The following AP5B1 variants were observed in gnomAD, a reference collection of about 807,000 sequenced individuals.
AP5B1 encodes adaptor related protein complex 5 subunit beta 1.
In AP5B1, 3 loss-of-function variants were observed where a neutral mutation model predicts 5.7. That is an observed-to-expected ratio of 0.53 (90% CI 0.24 to 1.36). AP5B1 has a LOEUF of 1.36. Ranked by LOEUF, AP5B1 falls within the 40% of genes most tolerant of loss-of-function variation. AP5B1 has a pLI of 0.17. For synonymous variants in AP5B1, 696 were observed against 555.5 expected (o/e 1.25, Z -3.56); for missense variants, 1,310 against 1,143.2 (o/e 1.15, Z -2.10).
At position 65,778,063 on chromosome 11, in the gene AP5B1, C is replaced by A. The variant is rs1440336204; in HGVS notation, c.2430G>T (p.Leu810Phe). The A allele has an allele frequency of 2.5e-6, 4 of 1,612,646 alleles. No individual in the cohort carries two copies. The highest frequency in any genetic ancestry group is 3.3e-5 in the Admixed American group (2 of 60,006). ...CAAAAGGCTCCAGGTGGCGGGACAC[C>A]AAGCCCTCCAGGCCCTGTGGCCCAA... The part of the protein sequence containing the change: ...CPLGPQGLEG[L>F]VSRHLEPFVV... Residue 810 changes from leucine (L) to phenylalanine (F), a missense_variant, in exon 2 of 2, where the codon TTG (leucine) becomes TTT (phenylalanine). By Grantham distance (22) the Leu-to-Phe change is conservative. Coordinates refer to ENST00000532090, the MANE Select transcript of AP5B1 (RefSeq NM_138368.5).
rs533899858 is a variant in AP5B1, at chr11:65,778,285, T to C, written c.2208A>G (p.Ala736=). Reference sequence around the variant, plus strand: ...TGTAAAGGGCATGGACATCCAGCCGTGCGGGGGCCGGGCATCGGGGCTGCA... The same window carrying C: ...TGTAAAGGGCATGGACATCCAGCCGCGCGGGGGCCGGGCATCGGGGCTGCA... The part of the protein sequence containing the change: ...LPLQPRCPAP[A]RLDVHALYTT... Residue 736 remains alanine (A), a synonymous_variant, in exon 2 of 2, where the codon GCA becomes GCG. Transcript: ENST00000532090. 87 of 1,612,988 alleles carry C rather than the reference T, an allele frequency of 5.4e-5. No homozygotes were observed. The highest frequency in any genetic ancestry group is 8.3e-5 in the Admixed American group (5 of 60,020).
At chr11:65,780,420 C>T (rs1180942791) in intron 1 of AP5B1, 22 bp downstream of exon 1, 3 of 1,484,210 alleles carry the variant, frequency 2.0e-6, no homozygotes, top group East Asian at 2.7e-5. Context: ...CGGAACGGCG[C>T]AGGGGACGCG....
chr11:65,779,051 G>T lies in AP5B1; in HGVS notation c.1442C>A (p.Thr481Lys). 6.2e-7 allele frequency: 1 copy of T among 1,606,966 alleles called. No individual in the cohort carries two copies. The highest frequency in any genetic ancestry group is 1.3e-5 in the African/African-American group (1 of 74,992). Residue 481 changes from threonine to lysine, a missense_variant, in exon 2 of 2, where the codon ACG becomes AAG. By Grantham distance (78) the Thr-to-Lys change is moderately conservative. Coordinates refer to ENST00000532090, the MANE Select transcript of AP5B1 (RefSeq NM_138368.5). Reference sequence around the variant, plus strand: ...TCCGTGGATCAAGGGGGTCAGCACCGTAGGTTGCCCAGCCAGGCAGCAGGC... The same window carrying T: ...TCCGTGGATCAAGGGGGTCAGCACCTTAGGTTGCCCAGCCAGGCAGCAGGC... ...LVACCLAGQP[T>K]VLTPLIHGLA...
In AP5B1 at chr11:65,777,927, G is replaced by A. The variant is rs1257961120; in HGVS notation, c.2566C>T (p.Leu856=). The part of the protein sequence containing the change: ...AALADGVPVA[L]RTDDWAVLPL... ...AGCACGGCCCAGTCATCGGTCCGCA[G>A]GGCCACAGGCACTCCATCTGCCAGG... is the stretch of plus-strand genomic sequence containing the variant. Residue 856 remains leucine (L), a synonymous_variant, in exon 2 of 2, where the codon CTG becomes TTG. Transcript: ENST00000532090. The A allele has an allele frequency of 6.4e-7, 1 of 1,565,052 alleles. No individual in the cohort carries two copies. The highest frequency in any genetic ancestry group is 8.7e-7 in the Non-Finnish European group (1 of 1,155,852).
At position 65,778,241 on chromosome 11, in the gene AP5B1, G is replaced by A. The variant is rs1367934299; in HGVS notation, c.2252C>T (p.Thr751Met). 10 of 1,613,312 alleles carry A rather than the reference G, an allele frequency of 6.2e-6. No homozygotes were observed. The highest frequency in any genetic ancestry group is 2.2e-5 in the South Asian group (2 of 91,092). Reference protein sequence around the residue: ...HALYTTSTGLTCHAHLPPLFV... With the variant: ...HALYTTSTGLMCHAHLPPLFV... Reference sequence around the variant, plus strand: ...CAGGGGTGGCAAGTGGGCATGGCACGTGAGACCAGTGGATGTGGTGTAAAG... The same window carrying A: ...CAGGGGTGGCAAGTGGGCATGGCACATGAGACCAGTGGATGTGGTGTAAAG... The change falls in exon 2 of 2, where the codon ACG becomes ATG. Residue 751 changes from threonine to methionine, a missense_variant. Coordinates refer to ENST00000532090, the MANE Select transcript of AP5B1 (RefSeq NM_138368.5).
chr11:65,777,503 G>T lies in AP5B1; in HGVS notation c.*353C>A, dbSNP rs987525050. 8.2e-6 allele frequency: 2 copies of T among 242,764 alleles called. No homozygotes were observed. Among genetic ancestry groups the T allele is most frequent in the Non-Finnish European group, 1.6e-5 (2 of 123,822 alleles). 15.0% of individuals were successfully genotyped at this position (242,764 alleles called of 1,614,324 possible). ...TGCGTGGACTCAGGCCGTTATCTTG[G>T]GAGTGGGTTCGCTCTCTCCCCTCAC... On this transcript the variant is annotated 3_prime_UTR_variant, in exon 2 of 2. Coordinates refer to ENST00000532090, the MANE Select transcript of AP5B1 (RefSeq NM_138368.5).
Position 65,779,458 on chromosome 11 carries a change from C to G in AP5B1, c.1035G>C (p.Ala345=), listed in dbSNP as rs758246233. ...GEALFTAQDE[A]LLLRRLTLAA... is the part of the protein sequence containing the mutation. ...CCAAGGTGAGCCGGCGGAGCAGCAA[C>G]GCTTCATCCTGGGCTGTGAACAAGG... Residue 345 remains alanine, a synonymous_variant, in exon 2 of 2, where the codon GCG becomes GCC. Transcript: ENST00000532090. 9 of 1,605,114 alleles carry G rather than the reference C, an allele frequency of 5.6e-6. No individual in the cohort carries two copies. The highest frequency in any genetic ancestry group is 6.8e-6 in the Non-Finnish European group (8 of 1,176,494).
chr11:65,780,383 A>C (rs1206885391), intron 1 of AP5B1, 41 bp from the exon 2 acceptor site: 7 of 1,463,874 alleles, frequency 4.8e-6, no homozygotes, highest in African/African-American at 1.5e-5. Context: ...GATGAGGTTC[A>C]TGACGCGGCG....
rs759202234 is a variant in AP5B1 at position 65,779,992 on chromosome 11, G to GC, written c.500dup (p.Ser168LeufsTer47). The GC allele has an allele frequency of 1.3e-6, 2 of 1,569,878 alleles. No homozygotes were observed. The highest frequency in any genetic ancestry group is 1.4e-5 in the African/African-American group (1 of 73,606). ...GCAGGCCCCGCAGCAACCCCAGGGA[G>GC]CCCCCCAGCAGCCCGGGCTTGCAGC... On this transcript the variant is annotated frameshift_variant, in exon 2 of 2. Coordinates refer to ENST00000532090, the MANE Select transcript of AP5B1 (RefSeq NM_138368.5). LOFTEE classifies it low-confidence loss of function (END_TRUNC).
rs1857782284 is a variant in AP5B1, at chr11:65,777,746, A to G, written c.*110T>C. 1 of 1,314,176 alleles carries G rather than the reference A, an allele frequency of 7.6e-7. No individual in the cohort carries two copies. Among genetic ancestry groups the G allele is most frequent in the Non-Finnish European group, 1.0e-6 (1 of 991,584 alleles). The allele number at this position is 1,314,176 out of a possible 1,614,324, so 81.4% of individuals were successfully genotyped here. A position where few individuals can be genotyped will look rare whatever the true frequency, so the allele number is the denominator to read the frequency against. On this transcript the variant is annotated 3_prime_UTR_variant, in exon 2 of 2. Coordinates refer to ENST00000532090, the MANE Select transcript of AP5B1 (RefSeq NM_138368.5). The stretch of plus-strand genomic sequence containing the variant: ...GCTCCCAACCGGGGCCCAAAAGAAA[A>G]CAAGCCAGCGAGGGCACTGCGGAAT...
Position 65,780,294 on chromosome 11 carries a change from CG to C in AP5B1, c.198del (p.Asp67ThrfsTer91). The C allele has an allele frequency of 6.7e-7, 1 of 1,496,950 alleles. No homozygotes were observed. The highest frequency in any genetic ancestry group is 8.9e-7 in the Non-Finnish European group (1 of 1,129,156). The allele number at this position is 1,496,950 out of a possible 1,614,324, so 92.7% of individuals were successfully genotyped here. ...LSMEYPAQLW[P>X]DASAAEVAAT... Reference sequence around the variant, plus strand: ...GCGGCCACTTCGGCCGCAGAGGCGTCGGGCCACAGCTGCGCAGGGTACTCCA... The same window carrying C: ...GCGGCCACTTCGGCCGCAGAGGCGTCGGCCACAGCTGCGCAGGGTACTCCA... On this transcript the variant is annotated frameshift_variant, in exon 2 of 2. Coordinates refer to ENST00000532090, the MANE Select transcript of AP5B1 (RefSeq NM_138368.5). LOFTEE classifies it low-confidence loss of function (END_TRUNC).
chr11:65,778,180 CGG>C lies in AP5B1; in HGVS notation c.2311_2312del (p.Pro771AlafsTer12). ...VNFADLFLPF[P>X]QPPEGAGLGF... The stretch of plus-strand genomic sequence containing the variant: ...CCAGCCCGGCCCCCTCTGGAGGCTG[CGG>C]GAAAGGCAGAAAGAGGTCGGCAAAG... On this transcript the variant is annotated frameshift_variant, in exon 2 of 2. Transcript: ENST00000532090. LOFTEE classifies it low-confidence loss of function (END_TRUNC). The C allele has an allele frequency of 6.2e-7, 1 of 1,613,034 alleles. No homozygotes were observed. Among genetic ancestry groups the C allele is most frequent in the Non-Finnish European group, 8.5e-7 (1 of 1,179,864 alleles).
chr11:65,778,972 G>C lies in AP5B1; in HGVS notation c.1521C>G (p.Leu507=). The C allele has an allele frequency of 2.5e-6, 4 of 1,612,754 alleles. No individual in the cohort carries two copies. The highest frequency in any genetic ancestry group is 3.4e-6 in the Non-Finnish European group (4 of 1,179,774). ...RPMLAPHFVD[L]LDQVDSELRE... ...TCAGCTCAGAGTCCACCTGATCCAA[G>C]AGGTCCACAAAGTGGGGAGCCAGCA... The change falls in exon 2 of 2, where the codon CTC becomes CTG. Residue 507 remains leucine (L), a synonymous_variant. Coordinates refer to ENST00000532090, the MANE Select transcript of AP5B1 (RefSeq NM_138368.5).
Position 65,779,604 on chromosome 11 carries a change from G to A in AP5B1, c.889C>T (p.Leu297=), listed in dbSNP as rs367659364. Residue 297 remains leucine (L), a synonymous_variant, in exon 2 of 2, where the codon CTG becomes TTG. Transcript: ENST00000532090. ...AQLLWLLGWA[L]RGLQGQPPAL... ...GGTGGCTGTCCCTGCAGACCCCGCA[G>A]GGCCCAGCCCAGCAGCCACAGGAGC... is the stretch of plus-strand genomic sequence containing the variant. The A allele has an allele frequency of 5.6e-3, 8,984 of 1,607,054 alleles. 31 individuals are homozygous for A. Among genetic ancestry groups the A allele is most frequent in the Non-Finnish European group, 6.7e-3 (7,926 of 1,177,212 alleles).
At position 65,774,985 on chromosome 11, in the gene AP5B1, G is replaced by A. The variant is rs998225056; in HGVS notation, c.*2871C>T. ...GGCTGGGGTCTAGGAGCTATCTCAG[G>A]TGGGCTCAGTCAGTGCCATCCTCCC... On this transcript the variant is annotated 3_prime_UTR_variant, in exon 2 of 2. Transcript: ENST00000532090. Among the ~76,000 whole-genome samples, 3 of 152,220 alleles carry A rather than the reference G, an allele frequency of 2.0e-5. No individual in the cohort carries two copies. The highest frequency in any genetic ancestry group is 7.2e-5 in the African/African-American group (3 of 41,456).
rs1857809464 is a variant in AP5B1, at chr11:65,779,202, T to C, written c.1291A>G (p.Lys431Glu). The change falls in exon 2 of 2, where the codon AAA (lysine) becomes GAA (glutamate). Residue 431 changes from lysine (K) to glutamate (E), a missense_variant. Physicochemically the swap from Lys to Glu is moderately conservative, Grantham distance 56. Transcript: ENST00000532090. Reference sequence around the variant, plus strand: ...TGCCGTGGGCTTGGAAGCTGGCCTTTCTCCTCTTCTTCCTCCTCGGCACAG... The same window carrying C: ...TGCCGTGGGCTTGGAAGCTGGCCTTCCTCCTCTTCTTCCTCCTCGGCACAG... ...LLCAEEEEEE[K>E]GQLPSPRHYL... 6.2e-7 allele frequency: 1 copy of C among 1,607,064 alleles called. No individual in the cohort carries two copies. The highest frequency in any genetic ancestry group is 8.5e-7 in the Non-Finnish European group (1 of 1,176,860).
rs1857736842 is a variant in AP5B1, at chr11:65,773,988, G to A, written c.*3868C>T. Among the ~76,000 whole-genome samples the A allele has an allele frequency of 6.6e-6, 1 of 152,180 alleles. No individual in the cohort carries two copies. Among genetic ancestry groups the A allele is most frequent in the African/African-American group, 2.4e-5 (1 of 41,444 alleles). On this transcript the variant is annotated 3_prime_UTR_variant, in exon 2 of 2. Coordinates refer to ENST00000532090, the MANE Select transcript of AP5B1 (RefSeq NM_138368.5). ...ACATGACTTAACCCTTGCTTGGCAT[G>A]GCCTTAGGTCCTGTTTACAATTTGG...
Position 65,777,857 on chromosome 11 carries a change from C to T in AP5B1, c.2636G>A (p.Ter879=). 1 of 1,521,396 alleles carries T rather than the reference C, an allele frequency of 6.6e-7. No individual in the cohort carries two copies. The highest frequency in any genetic ancestry group is 8.8e-7 in the Non-Finnish European group (1 of 1,131,276). 94.2% of individuals were successfully genotyped at this position (1,521,396 alleles called of 1,614,324 possible). A position where few individuals can be genotyped will look rare whatever the true frequency, so the allele number is the denominator to read the frequency against. The change falls in exon 2 of 2, where the codon TGA becomes TAA. Residue 879 remains the stop codon, a stop_retained_variant. Transcript: ENST00000532090. ...DYLRGLAAAV[*] ...TGCCCCCACCTGGTCTCCCGGGGCT[C>T]AGACAGCAGCCGCCAGCCCACGGAG...
Position 65,778,031 on chromosome 11 carries a change from A to G in AP5B1, c.2462T>C (p.Val821Ala). 6.2e-7 allele frequency: 1 copy of G among 1,612,596 alleles called. No individual in the cohort carries two copies. Among genetic ancestry groups the G allele is most frequent in the Non-Finnish European group, 8.5e-7 (1 of 1,179,782 alleles). The change falls in exon 2 of 2, where the codon GTG becomes GCG. Residue 821 changes from valine (V) to alanine (A), a missense_variant. Val to Ala is a moderately conservative substitution (Grantham distance 64). Transcript: ENST00000532090. ...ACAGTAGCTGGTAGGAGGCTGGGCCACCACCACAAAAGGCTCCAGGTGGCG... is the reference window on the plus strand; with the variant it reads ...ACAGTAGCTGGTAGGAGGCTGGGCCGCCACCACAAAAGGCTCCAGGTGGCG... ...VSRHLEPFVVVAQPPTSYCVA... is the reference protein window; with the variant it reads ...VSRHLEPFVVAAQPPTSYCVA...
Sources: gnomAD v4.1 joint callset for allele counts (sites outside exome capture counted in the v4.1 genomes callset) on GRCh38, gnomAD v4.1.1 for gene constraint, MANE v1.5 for transcripts, NCBI Gene and HGNC (gene_info 2026-07-23, HGNC 2026-07-21) for gene names.